PLCB4: variants seen among roughly 807,000 people sequenced by gnomAD.
PLCB4 encodes the protein 1-phosphatidylinositol 4,5-bisphosphate phosphodiesterase beta-4.
In PLCB4, 77 loss-of-function variants were observed where a neutral mutation model predicts 178.8. The observed-to-expected ratio is 0.43, with a 90% CI of 0.36 to 0.52. The LOEUF is 0.52. Ranked by LOEUF, PLCB4 falls within the 20% of genes least tolerant of loss-of-function variation. The probability of loss-of-function intolerance (pLI) is 0.00; values close to 1 mark genes in which losing one functional copy is unlikely to be tolerated. For synonymous variants in PLCB4, 496 were observed against 490.8 expected, an observed-to-expected ratio of 1.01 and a Z score of -0.14; for missense variants, 1,024 against 1,453.4, an observed-to-expected ratio of 0.70 and a Z score of 4.80.
chr20:9,286,273 A>G (rs913497544), intron 3 of PLCB4, among the ~76,000 whole-genome samples: 5 of 152,042 alleles, frequency 3.3e-5, no homozygotes, highest in Non-Finnish European at 7.4e-5. Context: ...AGGCTAAAAT[A>G]TAATGAACAC....
chr20:9,236,981 T>C (rs1002607993), intron 3 of PLCB4, among the ~76,000 whole-genome samples: 3 of 152,178 alleles, frequency 2.0e-5, no homozygotes, highest in African/African-American at 4.8e-5. Flanking sequence ...TTTATTCTAA[T>C]AACTTATCTA....
chr20:9,301,634 T>C (rs2094705000), intron 3 of PLCB4, among the ~76,000 whole-genome samples: 1 of 152,156 alleles, frequency 6.6e-6, no homozygotes, highest in African/African-American at 2.4e-5. Context: ...TATTTATGGG[T>C]AATGCACATG....
At chr20:9,301,736 G>A (rs1044964510) in intron 3 of PLCB4, among the ~76,000 whole-genome samples, 3 of 152,040 alleles carry the variant, frequency 2.0e-5, no homozygotes, top group Non-Finnish European at 2.9e-5. Flanking sequence ...TCTTTAGGAG[G>A]AGCTTTTGCC....
At chr20:9,204,817 G>A (rs1601129630) in intron 2 of PLCB4, among the ~76,000 whole-genome samples, 1 of 152,058 alleles carries the variant, frequency 6.6e-6, no homozygotes, top group South Asian at 2.1e-4. Flanking sequence ...AGAGCCACGT[G>A]TGATCATTGA....
chr20:9,259,726 A>G (rs968029051), intron 3 of PLCB4, among the ~76,000 whole-genome samples: 2 of 152,102 alleles, frequency 1.3e-5, no homozygotes, highest in Non-Finnish European at 2.9e-5. Context: ...GTGGTTATTG[A>G]GCCACTGAAA....
chr20:9,415,848 C>G (rs1417443300), intron 25 of PLCB4, among the ~76,000 whole-genome samples: 1 of 152,188 alleles, frequency 6.6e-6, no homozygotes, highest in Admixed American at 6.5e-5. Context: ...ATCCACATAG[C>G]CAGCTCTGGT....
At chr20:9,111,370 G>A (rs758401700) in intron 2 of PLCB4, among the ~76,000 whole-genome samples, 3 of 152,108 alleles carry the variant, frequency 2.0e-5, no homozygotes, top group Non-Finnish European at 4.4e-5. Flanking sequence ...AATATATTAT[G>A]AATGTTTTCT....
intron 2 of PLCB4, among the ~76,000 whole-genome samples, chr20:9,111,261 T>A (rs1199727673): frequency 6.6e-6 from 1 of 152,190 alleles, no homozygotes; most frequent in Non-Finnish European, 1.5e-5. Flanking sequence ...ACTAATGTTG[T>A]AATGTGGTGT....
chr20:9,247,963 C>T (rs2094142268), intron 3 of PLCB4, among the ~76,000 whole-genome samples: 1 of 152,118 alleles, frequency 6.6e-6, no homozygotes, highest in Admixed American at 6.5e-5. Context: ...TACCTTTCTT[C>T]ATTTTACAAA....
At position 9,169,190 on chromosome 20, in the gene PLCB4, C is replaced by T. The variant is rs2093023500; in HGVS notation, c.-78-48200C>T. Among the ~76,000 whole-genome samples, 3 of 152,268 alleles carry T rather than the reference C, an allele frequency of 2.0e-5. No homozygotes were observed. In the Middle Eastern group the frequency reaches 0.01, roughly 518 times the overall value. The stretch of plus-strand genomic sequence containing the variant: ...ATATAGAAACTTTATTTGTGAGGAG[C>T]TGCTTCCTTCCTCTCACTTAACACA... On this transcript the variant is annotated intron_variant, in intron 2 of 39. Coordinates refer to ENST00000378473, the MANE Select transcript of PLCB4 (RefSeq NM_001377142.1).
chr20:9,292,340 CAAGGGCAAATG>C (rs2094587327), intron 3 of PLCB4, among the ~76,000 whole-genome samples: 1 of 152,034 alleles, frequency 6.6e-6, no homozygotes, highest in Admixed American at 6.6e-5. Context: ...GCAGGCAGTC[CAAGGGCAAATG>C]AAGGGCAAAG....
chr20:9,325,332 G>A (rs377162988), intron 4 of PLCB4, among the ~76,000 whole-genome samples: 6 of 152,198 alleles, frequency 3.9e-5, no homozygotes, highest in African/African-American at 1.4e-4. Context: ...AGTTGCTAAG[G>A]CAACTGTTTT....
Position 9,090,040 on chromosome 20 carries a change from G to A in PLCB4, c.-134-6247G>A, listed in dbSNP as rs147199580. Reference sequence around the variant, plus strand: ...GCAGAGATTTTCAAAGAAGTTGTACGCAGAGTTCTTTCTGAGCTATGGCCT... The same window carrying A: ...GCAGAGATTTTCAAAGAAGTTGTACACAGAGTTCTTTCTGAGCTATGGCCT... On this transcript the variant is annotated intron_variant, in intron 1 of 39. Coordinates refer to ENST00000378473, the MANE Select transcript of PLCB4 (RefSeq NM_001377142.1). Among the ~76,000 whole-genome samples the A allele has an allele frequency of 3.9e-3, 600 of 152,224 alleles. 5 individuals carry two copies. Among genetic ancestry groups the A allele is most frequent in the Non-Finnish European group, 7.0e-3 (475 of 67,972 alleles).
rs145676690 is a variant in PLCB4, at chr20:9,478,922, C to T, written c.3534C>T (p.Gly1178=). The T allele has an allele frequency of 8.0e-4, 1,289 of 1,611,806 alleles. 9 individuals carry two copies. The Admixed American group carries it at 0.012, about 15-fold the overall frequency. Residue 1178 remains glycine (G), a splice_region_variant and synonymous_variant, in exon 40 of 40, where the codon GGC becomes GGT. Coordinates refer to ENST00000378473, the MANE Select transcript of PLCB4 (RefSeq NM_001377142.1). ...KSCHAVSQTQ[G]EGDAADGEIG... is the part of the protein sequence containing the mutation. ...AAGGCCATGTTTCTGATGTTATAGG[C>T]GAAGGAGATGCAGCAGATGGTGAAA...
intron 2 of PLCB4, among the ~76,000 whole-genome samples, chr20:9,132,949 G>T (rs1354291038): frequency 6.6e-6 from 1 of 152,084 alleles, no homozygotes. Flanking sequence ...CAGGGATGCT[G>T]CTAACCATCC....
intron 19 of PLCB4, among the ~76,000 whole-genome samples, chr20:9,397,725 T>C (rs954801731): frequency 3.3e-5 from 5 of 152,230 alleles, no homozygotes; most frequent in African/African-American, 1.2e-4. Context: ...ATTTGTTTTA[T>C]GTGGCAGGGA....
chr20:9,197,639 C>A (rs1601078514), intron 2 of PLCB4, among the ~76,000 whole-genome samples: 1 of 152,310 alleles, frequency 6.6e-6, no homozygotes, highest in East Asian at 1.9e-4. Flanking sequence ...TAGGAATTTT[C>A]TGGAGAGGCT....
At chr20:9,354,919 A>G (rs2034660273) in intron 7 of PLCB4, among the ~76,000 whole-genome samples, 1 of 152,202 alleles carries the variant, frequency 6.6e-6, no homozygotes, top group Non-Finnish European at 1.5e-5. Context: ...AGTTCACATC[A>G]TCTAGTTCAA....
At chr20:9,234,252 G>A (rs778308163) in intron 3 of PLCB4, among the ~76,000 whole-genome samples, 1 of 152,100 alleles carries the variant, frequency 6.6e-6, no homozygotes, top group African/African-American at 2.4e-5. Context: ...TTAAAGCTTT[G>A]TATGCTTATT....
Sources: allele counts gnomAD v4.1 joint callset (sites outside exome capture counted in the v4.1 genomes callset), GRCh38; gene constraint gnomAD v4.1.1; transcripts MANE v1.5; gene names NCBI Gene and HGNC (gene_info 2026-07-23, HGNC 2026-07-21).